Variants in FMO4 observed in about 807,000 individuals in gnomAD.
FMO4 encodes flavin containing dimethylaniline monoxygenase 4, also known as dimethylaniline monooxygenase [N-oxide-forming] 4.
Under a neutral mutation model 43.3 loss-of-function variants are expected in FMO4, and 38 were observed. That is an observed-to-expected ratio of 0.88 (90% CI 0.68 to 1.15). FMO4 has a LOEUF of 1.15. FMO4 is among the 50% of genes most tolerant of loss of function. The pLI is 0.00. For missense variants in FMO4, 631 were observed against 663.3 expected (o/e 0.95, Z 0.54); for synonymous variants, 224 against 232.2 (o/e 0.96, Z 0.32).
chr1:171,329,668 C>T lies in FMO4; in HGVS notation c.485-1972C>T, dbSNP rs528521815. On this transcript the variant is annotated intron_variant, in intron 5 of 9. Transcript: ENST00000367749. ...AGAGTGGTCTCCTTGAAGCCCCTCA[C>T]ACCTGGCTCCATGTCAACATGACAG... Among the ~76,000 whole-genome samples the T allele has an allele frequency of 2.6e-5, 4 of 152,332 alleles. No individual in the cohort carries two copies. In the South Asian group the frequency reaches 6.2e-4, roughly 24 times the overall value.
At chr1:171,337,754 G>GT (rs1663177579) in intron 9 of FMO4, among the ~76,000 whole-genome samples, 1 of 152,084 alleles carries the variant, frequency 6.6e-6, no homozygotes, top group South Asian at 2.1e-4. Context: ...GTATTTGCTG[G>GT]TATCGCCTCT....
intron 5 of FMO4, among the ~76,000 whole-genome samples, chr1:171,328,308 G>T: frequency 6.6e-6 from 1 of 152,122 alleles, no homozygotes. Context: ...CTCCTAAAGT[G>T]CTGGAATTAC....
At chr1:171,324,440 C>T (rs926257067) in intron 5 of FMO4, 140 bp downstream of exon 5, 1 of 623,184 alleles carries the variant, frequency 1.6e-6, no homozygotes, top group Non-Finnish European at 2.7e-6. Context: ...TGCAAAATTA[C>T]TTTAAAAGTT....
At chr1:171,339,268 C>A (rs997742040) in intron 9 of FMO4, among the ~76,000 whole-genome samples, 3 of 152,116 alleles carry the variant, frequency 2.0e-5, no homozygotes, top group Admixed American at 6.6e-5. Context: ...CACATCAAAT[C>A]CAAGAACTGA....
At chr1:171,323,530 G>T (rs1662528317) in intron 4 of FMO4, among the ~76,000 whole-genome samples, 1 of 152,068 alleles carries the variant, frequency 6.6e-6, no homozygotes, top group Admixed American at 6.6e-5. Context: ...TGGGTGTGGT[G>T]GTGCACACCT....
At position 171,323,412 on chromosome 1, in the gene FMO4, G is replaced by C. The variant is rs149483133; in HGVS notation, c.321+220G>C. ...GGTGCAGTGGCTCACACCTGTAATC[G>C]CAATACTTTGGAAGGCCGAGGCAGG... On this transcript the variant is annotated intron_variant, in intron 4 of 9. Transcript: ENST00000367749. Among the ~76,000 whole-genome samples the C allele has an allele frequency of 6.1e-3, 930 of 152,168 alleles. 13 individuals are homozygous for C. The highest frequency in any genetic ancestry group is 0.02 in the African/African-American group (826 of 41,530).
intron 5 of FMO4, among the ~76,000 whole-genome samples, chr1:171,329,060 C>G (rs992118558): frequency 5.9e-5 from 9 of 152,194 alleles, no homozygotes; most frequent in Non-Finnish European, 1.2e-4. Flanking sequence ...CAAGAAGAGA[C>G]AGTGTGCTTG....
chr1:171,334,213 C>CAT, intron 7 of FMO4, among the ~76,000 whole-genome samples, 198 bp from the exon 8 acceptor site: 1 of 152,260 alleles, frequency 6.6e-6, no homozygotes, highest in East Asian at 1.9e-4. Context: ...AGTCATTTTC[C>CAT]ATATACCTTC....
intron 2 of FMO4, among the ~76,000 whole-genome samples, chr1:171,317,744 T>A (rs1343526062): frequency 6.6e-6 from 1 of 152,168 alleles, no homozygotes; most frequent in East Asian, 1.9e-4. Flanking sequence ...TATTTTCTAT[T>A]ATGGTCAGTC....
chr1:171,315,506 A>G (rs1023354460), intron 1 of FMO4, among the ~76,000 whole-genome samples: 8 of 151,998 alleles, frequency 5.3e-5, no homozygotes, highest in Admixed American at 1.3e-4. Context: ...GGAAACAAAG[A>G]GAAAGCCACT....
chr1:171,333,898 T>C (rs1205348914), intron 7 of FMO4, among the ~76,000 whole-genome samples: 1 of 152,046 alleles, frequency 6.6e-6, no homozygotes, highest in Admixed American at 6.5e-5. Flanking sequence ...CTTGGCTCAC[T>C]GCCACCTCTG....
chr1:171,317,509 C>T (rs897703502), intron 2 of FMO4, among the ~76,000 whole-genome samples: 2 of 152,172 alleles, frequency 1.3e-5, no homozygotes, highest in Non-Finnish European at 2.9e-5. Flanking sequence ...GTGACATAAA[C>T]TTGATTTACT....
chr1:171,341,522 G>A lies in FMO4; in HGVS notation c.1360G>A (p.Asp454Asn), dbSNP rs778209085. The A allele has an allele frequency of 6.2e-7, 1 of 1,613,984 alleles. No homozygotes were observed. ...CAGCATCCCACTTCTGTTCCTCAAGGATCCCAGACTAGCTTGGGAAGTTTT... is the reference window on the plus strand; with the variant it reads ...CAGCATCCCACTTCTGTTCCTCAAGAATCCCAGACTAGCTTGGGAAGTTTT... ...KPSIPLLFLKDPRLAWEVFFG... is the reference protein window; with the variant it reads ...KPSIPLLFLKNPRLAWEVFFG... Residue 454 changes from aspartate to asparagine, a missense_variant, in exon 10 of 10, where the codon GAT becomes AAT. Physicochemically the swap from Asp to Asn is conservative, Grantham distance 23. Coordinates refer to ENST00000367749, the MANE Select transcript of FMO4 (RefSeq NM_002022.3).
chr1:171,339,142 A>C (rs1663248790), intron 9 of FMO4, among the ~76,000 whole-genome samples: 1 of 152,182 alleles, frequency 6.6e-6, no homozygotes, highest in Admixed American at 6.5e-5. Context: ...TACACCAAGT[A>C]TGGCCTTCTC....
chr1:171,323,403 C>T (rs1662522039), intron 4 of FMO4, among the ~76,000 whole-genome samples: 1 of 152,146 alleles, frequency 6.6e-6, no homozygotes. Flanking sequence ...GTGGCTCACA[C>T]CTGTAATCGC....
chr1:171,322,584 G>A (rs997108391), intron 3 of FMO4, among the ~76,000 whole-genome samples: 6 of 152,180 alleles, frequency 3.9e-5, no homozygotes, highest in African/African-American at 1.4e-4. Context: ...TGGGTGCAGT[G>A]GCTCATGCCT....
intron 5 of FMO4, among the ~76,000 whole-genome samples, chr1:171,329,337 T>C (rs1291221950): frequency 6.6e-6 from 1 of 152,114 alleles, no homozygotes; most frequent in East Asian, 1.9e-4. Context: ...ACAGATTATA[T>C]GCTCTCAGGC....
At chr1:171,321,287 A>G (rs1662412574) in intron 3 of FMO4, among the ~76,000 whole-genome samples, 1 of 152,208 alleles carries the variant, frequency 6.6e-6, no homozygotes, top group Non-Finnish European at 1.5e-5. Flanking sequence ...TAGTACTATT[A>G]ACATTTCAAT....
At chr1:171,335,743 G>C (rs1663091386) in intron 8 of FMO4, among the ~76,000 whole-genome samples, 1 of 152,012 alleles carries the variant, frequency 6.6e-6, no homozygotes, top group Non-Finnish European at 1.5e-5. Context: ...TTATTTGAAT[G>C]GGGGGAGGGG....
Sources: gnomAD v4.1 joint callset for allele counts (sites outside exome capture counted in the v4.1 genomes callset) on GRCh38, gnomAD v4.1.1 for gene constraint, MANE v1.5 for transcripts, NCBI Gene and HGNC (gene_info 2026-07-23, HGNC 2026-07-21) for gene names.